The following CENPP variants were observed in gnomAD, a reference collection of about 807,000 sequenced individuals.
CENPP encodes the protein centromere protein P.
CENPP carries 24 observed loss-of-function variants against 35.6 expected under a neutral mutation model. That is an observed-to-expected ratio of 0.67 (90% CI 0.49 to 0.95). The LOEUF (loss-of-function observed/expected upper bound fraction) is 0.95, where lower values mean the gene tolerates loss of function less well. Ranked by LOEUF, CENPP falls within the 40% of genes least tolerant of loss-of-function variation. CENPP has a pLI of 0.00. For synonymous variants in CENPP, 120 were observed against 125.5 expected (o/e 0.96, Z 0.29); for missense variants, 332 against 345.3 (o/e 0.96, Z 0.31).
chr9:92,509,858 A>T (rs746720463), intron 5 of CENPP: 50 of 1,573,300 alleles, frequency 3.2e-5, no homozygotes, highest in Non-Finnish European at 4.3e-5. Context: ...TATAGGAAAG[A>T]TTATAAGGAA....
At position 92,326,114 on chromosome 9, in the gene CENPP, C is replaced by G. The variant is rs1026153567; in HGVS notation, c.107+9C>G. The G allele has an allele frequency of 6.6e-7, 1 of 1,518,586 alleles. No homozygotes were observed. Among genetic ancestry groups the G allele is most frequent in the Admixed American group, 2.0e-5 (1 of 49,904 alleles). 94.1% of individuals were successfully genotyped at this position (1,518,586 alleles called of 1,614,324 possible). A position where few individuals can be genotyped will look rare whatever the true frequency, so the allele number is the denominator to read the frequency against. Reference sequence around the variant, plus strand: ...GAGAAGTCCCGAGTCCAGTACGTGACCACCCCAAGTCCCCCAGGGCCCGCT... The same window carrying G: ...GAGAAGTCCCGAGTCCAGTACGTGAGCACCCCAAGTCCCCCAGGGCCCGCT... On this transcript the variant is annotated intron_variant, in intron 1 of 7. Transcript: ENST00000375587.
intron 5 of CENPP, among the ~76,000 whole-genome samples, chr9:92,436,351 C>A (rs897245060): frequency 6.6e-6 from 1 of 152,178 alleles, no homozygotes. Context: ...CATTCTATTG[C>A]ATGCCTTTTC....
intron 2 of CENPP, among the ~76,000 whole-genome samples, chr9:92,335,880 C>T (rs756923939): frequency 1.5e-4 from 23 of 152,186 alleles, no homozygotes; most frequent in Admixed American, 6.5e-4. Context: ...TTTGCCTTTG[C>T]GTATAAACTT....
At chr9:92,571,399 T>A (rs1490662261) in intron 5 of CENPP, among the ~76,000 whole-genome samples, 11 of 152,256 alleles carry the variant, frequency 7.2e-5, no homozygotes, top group South Asian at 2.1e-4. Context: ...TTTGAGTGAG[T>A]TTCTTAATCC....
chr9:92,415,173 A>G (rs763077134), intron 5 of CENPP: 1 of 1,607,526 alleles, frequency 6.2e-7, no homozygotes, highest in Non-Finnish European at 8.5e-7. Flanking sequence ...TTTCATAATA[A>G]TGAAGGTCAA....
intron 5 of CENPP, among the ~76,000 whole-genome samples, chr9:92,560,144 T>C (rs572062100): frequency 1.1e-4 from 17 of 152,176 alleles, no homozygotes; most frequent in Middle Eastern, 3.4e-3. Context: ...ACCCTGTCTC[T>C]AAAAGAAATG....
intron 5 of CENPP, among the ~76,000 whole-genome samples, chr9:92,502,048 G>A (rs1005441009): frequency 6.6e-6 from 1 of 152,212 alleles, no homozygotes; most frequent in African/African-American, 2.4e-5. Context: ...CTGGAGCCTG[G>A]TGCTTCCACC....
At chr9:92,580,844 C>T (rs1329326030) in intron 5 of CENPP, among the ~76,000 whole-genome samples, 4 of 152,248 alleles carry the variant, frequency 2.6e-5, no homozygotes, top group Non-Finnish European at 5.9e-5. Context: ...CTTCTGCTAG[C>T]TTTTGAATGT....
intron 5 of CENPP, among the ~76,000 whole-genome samples, chr9:92,417,798 A>G (rs1373187303): frequency 6.6e-6 from 1 of 152,040 alleles, no homozygotes; most frequent in Non-Finnish European, 1.5e-5. Flanking sequence ...GGCTCACTGC[A>G]ACTTCTGCCT....
chr9:92,429,277 C>T (rs190721542), intron 5 of CENPP, among the ~76,000 whole-genome samples: 52 of 152,276 alleles, frequency 3.4e-4, no homozygotes, highest in Non-Finnish European at 7.2e-4. Context: ...AATAATCTTA[C>T]TCTCACCTCC....
chr9:92,419,838 A>C (rs1843732673), intron 5 of CENPP, among the ~76,000 whole-genome samples: 1 of 152,168 alleles, frequency 6.6e-6, no homozygotes, highest in South Asian at 2.1e-4. Context: ...GAAATGACTT[A>C]TCTCCTGTTC....
chr9:92,599,918 G>C (rs1405448848), intron 5 of CENPP, among the ~76,000 whole-genome samples: 1 of 152,118 alleles, frequency 6.6e-6, no homozygotes, highest in African/African-American at 2.4e-5. Context: ...AAACTGCCTG[G>C]AGCTCCACAG....
At position 92,379,912 on chromosome 9, in the gene CENPP, T is replaced by A. The variant is rs569831590; in HGVS notation, c.564+53T>A. 2.9e-5 allele frequency: 31 copies of A among 1,081,738 alleles called. No individual in the cohort carries two copies. The African/African-American group carries it at 4.9e-4, about 17-fold the overall frequency. The allele number at this position is 1,081,738 out of a possible 1,614,324, so 67.0% of individuals were successfully genotyped here. On this transcript the variant is annotated intron_variant, in intron 5 of 7. Coordinates refer to ENST00000375587, the MANE Select transcript of CENPP (RefSeq NM_001012267.3). ...CATATATGGAAAACAAAGCTGATAT[T>A]AATTGAGAATTCATCCCTAACATCC...
chr9:92,465,494 G>A (rs1845271268), intron 5 of CENPP, among the ~76,000 whole-genome samples: 1 of 152,144 alleles, frequency 6.6e-6, no homozygotes, highest in African/African-American at 2.4e-5. Flanking sequence ...AGTAAGTGAG[G>A]CCAGGCACTT....
rs1467401948 is a variant in CENPP, at chr9:92,593,780, A to G, written c.565-17534A>G. On this transcript the variant is annotated intron_variant, in intron 5 of 7. Coordinates refer to ENST00000375587, the MANE Select transcript of CENPP (RefSeq NM_001012267.3). This position sits in a 1 kb window ranked among gnomAD's most constrained non-coding sequence, Gnocchi z 4.1. ...AAAAACTATAAGTTTTTTTCTTTAA[A>G]TTCTTTCGGTAAAAAATGGGAGCCA... 6.6e-6 allele frequency among the ~76,000 whole-genome samples: 1 copy of G among 152,206 alleles called. No homozygotes were observed. Among genetic ancestry groups the G allele is most frequent in the Non-Finnish European group, 1.5e-5 (1 of 68,040 alleles).
chr9:92,458,475 C>G (rs1171645992), intron 5 of CENPP, among the ~76,000 whole-genome samples: 1 of 152,078 alleles, frequency 6.6e-6, no homozygotes, highest in Non-Finnish European at 1.5e-5. Context: ...GTGTTCAGTC[C>G]CCCAGCTGCT....
At chr9:92,470,787 A>G in intron 5 of CENPP, 1 of 1,467,512 alleles carries the variant, frequency 6.8e-7, no homozygotes. Flanking sequence ...CAAACCTTAG[A>G]AAGAAACAAA....
chr9:92,539,163 G>A (rs1849256687), intron 5 of CENPP: 1 of 152,204 alleles, frequency 6.6e-6, no homozygotes, highest in Non-Finnish European at 1.5e-5. Flanking sequence ...GTTGAGAATA[G>A]TCAACGGTTG....
chr9:92,572,779 TG>T (rs1434352082), intron 5 of CENPP, among the ~76,000 whole-genome samples: 2 of 152,218 alleles, frequency 1.3e-5, no homozygotes, highest in Admixed American at 6.5e-5. Context: ...TTGGAGGCTT[TG>T]TTCATTTCTT....
Sources: gnomAD v4.1 joint callset for allele counts (sites outside exome capture counted in the v4.1 genomes callset) on GRCh38, gnomAD v4.1.1 for gene constraint, Gnocchi (gnomAD v3.1) non-coding constraint, MANE v1.5 for transcripts, NCBI Gene and HGNC (gene_info 2026-07-23, HGNC 2026-07-21) for gene names.